The following TOX3 variants were observed in gnomAD, a reference collection of about 807,000 sequenced individuals.
TOX3 encodes the protein CAG trinucleotide repeat-containing gene F9 protein.
In TOX3, 22 loss-of-function variants were observed where a neutral mutation model predicts 64.3. The ratio of observed to expected loss-of-function variants is 0.34; its 90% CI spans 0.24 to 0.49. The LOEUF (loss-of-function observed/expected upper bound fraction) is 0.49. TOX3 is among the 20% of genes least tolerant of loss of function. The probability of loss-of-function intolerance (pLI) is 0.99; values close to 1 mark genes in which losing one functional copy is unlikely to be tolerated. For synonymous variants in TOX3, 291 were observed against 273.6 expected (o/e 1.06, Z -0.63); for missense variants, 661 against 714.4 (o/e 0.93, Z 0.85).
At chr16:52,485,093 G>GTA (rs1353015627) in intron 1 of TOX3, among the ~76,000 whole-genome samples, 2 of 149,046 alleles carry the variant, frequency 1.3e-5, no homozygotes, top group East Asian at 2.0e-4. Flanking sequence ...GTATGTGTGT[G>GTA]TATATATATA....
chr16:52,512,530 C>A (rs1178931551), intron 1 of TOX3, among the ~76,000 whole-genome samples: 1 of 152,160 alleles, frequency 6.6e-6, no homozygotes, highest in Admixed American at 6.5e-5. Context: ...GCTTAAGATG[C>A]AGTTAGTGAC....
intron 3 of TOX3, among the ~76,000 whole-genome samples, chr16:52,457,844 T>C (rs1960566547): frequency 6.6e-6 from 1 of 152,198 alleles, no homozygotes; most frequent in African/African-American, 2.4e-5. Context: ...CTGAAATAGA[T>C]CATTTTTACT....
chr16:52,445,627 TG>T, intron 5 of TOX3: 1 of 178,980 alleles, frequency 5.6e-6, no homozygotes. Context: ...AGATGATCAA[TG>T]GAAAGGCAAG....
In TOX3 at chr16:52,506,810, G is replaced by A. The variant is rs557320249; in HGVS notation, c.88-38236C>T. 5.6e-4 allele frequency among the ~76,000 whole-genome samples: 85 copies of A among 152,250 alleles called. 2 individuals are homozygous for A. In the South Asian group the frequency reaches 0.017, roughly 30 times the overall value. ...ACATGTTAACAATCTCCTAATTAGA[G>A]CTCTGACTCTCCTTAGAATGTCCAA... On this transcript the variant is annotated intron_variant, in intron 1 of 6. Coordinates refer to ENST00000219746, the MANE Select transcript of TOX3 (RefSeq NM_001080430.4).
Position 52,473,959 on chromosome 16 carries a change from T to TCA in TOX3, c.88-5387_88-5386dup, listed in dbSNP as rs547404559. The stretch of plus-strand genomic sequence containing the variant: ...TAGATTTACACGCACATACATATAA[T>TCA]CACACACACACACGTCCACATGCTA... On this transcript the variant is annotated intron_variant, in intron 1 of 6. Coordinates refer to ENST00000219746, the MANE Select transcript of TOX3 (RefSeq NM_001080430.4). 2.3e-3 allele frequency among the ~76,000 whole-genome samples: 353 copies of TCA among 151,920 alleles called. 2 individuals carry two copies. The highest frequency in any genetic ancestry group is 3.8e-3 in the Non-Finnish European group (255 of 67,928).
At chr16:52,529,395 G>A (rs773339689) in intron 1 of TOX3, among the ~76,000 whole-genome samples, 9 of 151,988 alleles carry the variant, frequency 5.9e-5, no homozygotes, top group Non-Finnish European at 1.2e-4. Context: ...CTTTTAGAAC[G>A]ATAAGAATAC....
At chr16:52,496,069 C>A (rs768980487) in intron 1 of TOX3, among the ~76,000 whole-genome samples, 1 of 152,156 alleles carries the variant, frequency 6.6e-6, no homozygotes, top group Middle Eastern at 3.4e-3. Context: ...ACTTAAAAGC[C>A]AAATAAAATA....
chr16:52,468,983 T>A (rs1401048851), intron 1 of TOX3, among the ~76,000 whole-genome samples: 1 of 152,140 alleles, frequency 6.6e-6, no homozygotes, highest in African/African-American at 2.4e-5. Flanking sequence ...GTCACAAGTG[T>A]GGGTAGGTTA....
At chr16:52,519,056 C>A (rs1349684070) in intron 1 of TOX3, among the ~76,000 whole-genome samples, 1 of 152,156 alleles carries the variant, frequency 6.6e-6, no homozygotes, top group East Asian at 1.9e-4. Context: ...ATAGTAAGGA[C>A]GACTCACAAG....
chr16:52,522,834 T>C (rs940986570), intron 1 of TOX3, among the ~76,000 whole-genome samples: 3 of 152,148 alleles, frequency 2.0e-5, no homozygotes, highest in African/African-American at 7.2e-5. Context: ...TTGTTTTTTG[T>C]TTTTTGCGAA....
In TOX3 at chr16:52,455,762, G is replaced by A. The variant is rs73583133; in HGVS notation, c.409-5216C>T. On this transcript the variant is annotated intron_variant, in intron 3 of 6. Coordinates refer to ENST00000219746, the MANE Select transcript of TOX3 (RefSeq NM_001080430.4). ...CATGCAGAGGGAACAGCATGTGCAAGGTCTGAAGTGGGAGAGATCTTGACA... is the reference window on the plus strand; with the variant it reads ...CATGCAGAGGGAACAGCATGTGCAAAGTCTGAAGTGGGAGAGATCTTGACA... Among the ~76,000 whole-genome samples, 1,140 of 152,300 alleles carry A rather than the reference G, an allele frequency of 7.5e-3. 15 individuals carry two copies. The highest frequency in any genetic ancestry group is 0.025 in the African/African-American group (1,050 of 41,564).
chr16:52,523,290 G>A (rs1002812088), intron 1 of TOX3, among the ~76,000 whole-genome samples: 3 of 152,140 alleles, frequency 2.0e-5, no homozygotes, highest in African/African-American at 7.2e-5. Context: ...TGATCAAGAA[G>A]AGCGGGGTAT....
At chr16:52,465,624 G>A (rs1243495395) in intron 2 of TOX3, among the ~76,000 whole-genome samples, 1 of 151,688 alleles carries the variant, frequency 6.6e-6, no homozygotes, top group Non-Finnish European at 1.5e-5. Context: ...GCTATTATCA[G>A]TTAAGAGGAC....
rs921473080 is a variant in TOX3 at position 52,439,365 on chromosome 16, G to A, written c.1591C>T (p.Arg531Trp). The A allele has an allele frequency of 6.8e-6, 11 of 1,607,564 alleles. No homozygotes were observed. Among genetic ancestry groups the A allele is most frequent in the East Asian group, 2.2e-5 (1 of 44,724 alleles). The change falls in exon 7 of 7, where the codon CGG (arginine) becomes TGG (tryptophan). Residue 531 changes from arginine (R) to tryptophan (W), a missense_variant. Physicochemically the swap from Arg to Trp is moderately radical, Grantham distance 101 (BLOSUM62 -3). Transcript: ENST00000219746. Reference sequence around the variant, plus strand: ...TGAGAGGCGACAGGGGAGTGCTGCCGAGGAGAAGGCTGAGACTGGTGCTGC... The same window carrying A: ...TGAGAGGCGACAGGGGAGTGCTGCCAAGGAGAAGGCTGAGACTGGTGCTGC... ...HMQHQSQPSP[R>W]QHSPVASQIT...
At chr16:52,544,299 T>C (rs1395760974) in intron 1 of TOX3, among the ~76,000 whole-genome samples, 1 of 152,234 alleles carries the variant, frequency 6.6e-6, no homozygotes, top group Admixed American at 6.5e-5. Context: ...CTTGCTGCTT[T>C]ATACCCATAA....
intron 4 of TOX3, 116 bp downstream of exon 4, chr16:52,450,161 A>T: frequency 8.1e-7 from 1 of 1,233,214 alleles, no homozygotes. Context: ...TCATACATTT[A>T]AATGCTACTC....
intron 1 of TOX3, among the ~76,000 whole-genome samples, chr16:52,539,351 A>G (rs1226085340): frequency 6.6e-6 from 1 of 151,934 alleles, no homozygotes; most frequent in East Asian, 1.9e-4. Flanking sequence ...CAAATTCTTC[A>G]AGTTTCACAC....
intron 1 of TOX3, among the ~76,000 whole-genome samples, chr16:52,501,230 T>C (rs1283388625): frequency 6.6e-6 from 1 of 152,222 alleles, no homozygotes; most frequent in Non-Finnish European, 1.5e-5. Context: ...TGAGCCACTA[T>C]ACTGTCTCTT....
intron 6 of TOX3, among the ~76,000 whole-genome samples, chr16:52,442,686 C>G (rs991790624): frequency 6.6e-6 from 1 of 152,172 alleles, no homozygotes; most frequent in African/African-American, 2.4e-5. Context: ...AGTTTGGGTT[C>G]AGGCTGAAAT....
Sources: allele counts gnomAD v4.1 joint callset (sites outside exome capture counted in the v4.1 genomes callset), GRCh38; gene constraint gnomAD v4.1.1; transcripts MANE v1.5; gene names NCBI Gene and HGNC (gene_info 2026-07-23, HGNC 2026-07-21).